Variants in NRG1 observed in about 807,000 individuals in gnomAD.
NRG1 encodes neuregulin 1.
In NRG1, 18 loss-of-function variants were observed where a neutral mutation model predicts 63.8. The observed-to-expected ratio is 0.28, with a 90% confidence interval of 0.19 to 0.42. The LOEUF is 0.42. NRG1 is among the 10% of genes least tolerant of loss of function. NRG1 has a pLI of 1.00. For synonymous variants in NRG1, 302 were observed against 301.3 expected, an observed-to-expected ratio of 1.00 and a Z score of -0.02; for missense variants, 762 against 814.7, an observed-to-expected ratio of 0.94 and a Z score of 0.79.
intron 5 of NRG1, among the ~76,000 whole-genome samples, chr8:32,681,947 G>A (rs562874939): frequency 1.3e-5 from 2 of 152,266 alleles, no homozygotes; most frequent in East Asian, 1.9e-4. Context: ...TGCACATGGA[G>A]TAATACATTC....
rs1826432725 is a variant in NRG1, at chr8:32,742,036, T to C, written c.633-639T>C. On this transcript the variant is annotated intron_variant, in intron 6 of 11. Coordinates refer to ENST00000356819, the Ensembl canonical transcript of NRG1. This position sits in a 1 kb window ranked among gnomAD's most constrained non-coding sequence, Gnocchi z 4.2. ...CCAACCTGGATTCACTGGAGCAAGA[T>C]GTACTGAGAATGTGCCCATGAAAGT... 2 of 1,613,736 alleles carry C rather than the reference T, an allele frequency of 1.2e-6. No individual in the cohort carries two copies. The highest frequency in any genetic ancestry group is 1.7e-6 in the Non-Finnish European group (2 of 1,179,774).
intron 1 of NRG1, among the ~76,000 whole-genome samples, chr8:32,376,489 C>A (rs142767934): frequency 4.0e-4 from 61 of 152,208 alleles, no homozygotes; most frequent in African/African-American, 1.3e-3. Flanking sequence ...GGTACCTGGC[C>A]AATAAGAGTT....
intron 1 of NRG1, among the ~76,000 whole-genome samples, chr8:32,101,237 T>C (rs1450541084): frequency 6.6e-6 from 1 of 152,154 alleles, no homozygotes; most frequent in East Asian, 1.9e-4. Flanking sequence ...ATGTAAGTGA[T>C]TCTGAGCCCC....
chr8:31,693,185 G>A (rs979297150), intron 1 of NRG1, among the ~76,000 whole-genome samples: 25 of 152,116 alleles, frequency 1.6e-4, no homozygotes, highest in Non-Finnish European at 2.9e-4. Context: ...ACTGCAAAGG[G>A]ATTCCAAAGC....
rs182602939 is a variant in NRG1 at position 32,335,710 on chromosome 8, C to G, written c.38-260118C>G. The stretch of plus-strand genomic sequence containing the variant: ...CTGCTTGACGGACTGGCAGATGGAG[C>G]CTGAGTTTATAGTCCTGTCTGTTAT... On this transcript the variant is annotated intron_variant, in intron 1 of 10. Transcript: ENST00000519301. Among the ~76,000 whole-genome samples, 20 of 152,164 alleles carry G rather than the reference C, an allele frequency of 1.3e-4. No homozygotes were observed. The East Asian group carries it at 2.9e-3, about 22-fold the overall frequency.
At chr8:32,029,232 T>C (rs959696834) in intron 1 of NRG1, 3 of 152,260 alleles carry the variant, frequency 2.0e-5, no homozygotes, top group African/African-American at 7.2e-5. Flanking sequence ...TTAAATGTTA[T>C]GCACAATTTT....
chr8:32,419,644 C>CT (rs372131645), intron 1 of NRG1, among the ~76,000 whole-genome samples: 3 of 152,252 alleles, frequency 2.0e-5, no homozygotes, highest in East Asian at 1.9e-4. Context: ...TAAAACCATT[C>CT]TTTTTTTGTT....
chr8:32,056,055 C>G (rs1479684779), intron 1 of NRG1, among the ~76,000 whole-genome samples: 1 of 152,114 alleles, frequency 6.6e-6, no homozygotes, highest in Non-Finnish European at 1.5e-5. Context: ...ACAGACTCCT[C>G]TCCCCATAGA....
At chr8:31,733,129 A>G (rs1276605255) in intron 1 of NRG1, among the ~76,000 whole-genome samples, 1 of 148,766 alleles carries the variant, frequency 6.7e-6, no homozygotes, top group African/African-American at 2.5e-5. Context: ...TGTTGCTGCA[A>G]AAGACATGAC....
intron 1 of NRG1, among the ~76,000 whole-genome samples, chr8:31,920,419 G>A (rs577517127): frequency 2.0e-5 from 3 of 152,144 alleles, no homozygotes; most frequent in Non-Finnish European, 4.4e-5. Flanking sequence ...AATCATTAAT[G>A]CATGTATGGT....
intron 1 of NRG1, among the ~76,000 whole-genome samples, chr8:32,399,441 C>A (rs1812879307): frequency 6.6e-6 from 1 of 152,182 alleles, no homozygotes; most frequent in South Asian, 2.1e-4. Context: ...CGCCTGTAAT[C>A]CTAGGACTTT....
intron 1 of NRG1, among the ~76,000 whole-genome samples, chr8:31,649,353 C>T (rs773938458): frequency 1.3e-4 from 20 of 152,166 alleles, no homozygotes; most frequent in Non-Finnish European, 2.2e-4. Flanking sequence ...AACAAGGGTT[C>T]CAGTTTTTCC....
intron 7 of NRG1, among the ~76,000 whole-genome samples, chr8:32,743,597 A>ATATATATATATATATATAT (rs1335040311): frequency 9.7e-4 from 36 of 37,014 alleles, no homozygotes; most frequent in African/African-American, 2.3e-3. Context: ...TATATATATA[A>ATATATATATATATATATAT]AACTTAATAA....
At chr8:32,044,906 A>G (rs1820695625) in intron 1 of NRG1, among the ~76,000 whole-genome samples, 1 of 107,846 alleles carries the variant, frequency 9.3e-6, no homozygotes, top group Non-Finnish European at 2.0e-5. Flanking sequence ...ACTTACATAA[A>G]GAAAAGCAAA....
rs200076271 is a variant in NRG1 at position 32,055,778 on chromosome 8, T to TG, written c.37+416348dup. Among the ~76,000 whole-genome samples the TG allele has an allele frequency of 3.2e-4, 49 of 152,136 alleles. 1 individual carries two copies. The East Asian group carries it at 6.6e-3, about 20-fold the overall frequency. ...AGGTATACTCAGAGACTGGAAGACTTGAACGGGGACTGGCTACCCAGATAG... is the reference window on the plus strand; with the variant it reads ...AGGTATACTCAGAGACTGGAAGACTTGGAACGGGGACTGGCTACCCAGATAG... On this transcript the variant is annotated intron_variant, in intron 1 of 10. Transcript: ENST00000519301.
At chr8:32,070,056 A>G (rs1462901) in intron 1 of NRG1, among the ~76,000 whole-genome samples, 148,666 of 152,274 alleles carry the variant, frequency 0.98, 72,673 homozygotes, top group East Asian at 1. Context: ...TAAGATGTCA[A>G]TAAAAGGTAG....
At chr8:31,906,983 G>A (rs570000218) in intron 1 of NRG1, among the ~76,000 whole-genome samples, 97 of 152,210 alleles carry the variant, frequency 6.4e-4, no homozygotes, top group African/African-American at 2.1e-3. Flanking sequence ...AATCAGAAAA[G>A]TCAGAAGATA....
intron 1 of NRG1, among the ~76,000 whole-genome samples, chr8:31,646,252 C>T (rs1409371725): frequency 1.3e-5 from 2 of 152,208 alleles, no homozygotes; most frequent in African/African-American, 4.8e-5. Context: ...AAGAAAACAG[C>T]TCTGAGTGGT....
chr8:32,573,335 C>T, intron 1 of NRG1, among the ~76,000 whole-genome samples: 1 of 151,560 alleles, frequency 6.6e-6, no homozygotes, highest in Admixed American at 6.6e-5. Context: ...TAGCCACAGA[C>T]AATTTATGAG....
Sources: allele counts gnomAD v4.1 joint callset (sites outside exome capture counted in the v4.1 genomes callset), GRCh38; gene constraint gnomAD v4.1.1; non-coding constraint Gnocchi (gnomAD v3.1); transcripts MANE v1.5; gene names NCBI Gene and HGNC (gene_info 2026-07-23, HGNC 2026-07-21).